The following RNF130 variants were observed in gnomAD, a reference collection of about 807,000 sequenced individuals.
RNF130 encodes E3 ubiquitin-protein ligase RNF130.
A neutral mutation model predicts 44.6 loss-of-function variants in RNF130; 21 were observed. That is an observed-to-expected ratio of 0.47 (90% CI 0.33 to 0.68). RNF130 has a LOEUF of 0.68. RNF130 is among the 30% of genes least tolerant of loss of function. The pLI is 0.02. For missense variants in RNF130, 479 were observed against 560.6 expected, an observed-to-expected ratio of 0.85 and a Z score of 1.47; for synonymous variants, 214 against 210.4, an observed-to-expected ratio of 1.02 and a Z score of -0.15.
intron 7 of RNF130, among the ~76,000 whole-genome samples, chr5:179,946,593 GC>G (rs2113686152): frequency 6.8e-6 from 1 of 146,366 alleles, no homozygotes; most frequent in African/African-American, 2.6e-5. Context: ...TCGCTCTGTC[GC>G]CCAGGCTGGA....
In RNF130 at chr5:179,957,949, C is replaced by T. The variant is rs547917410; in HGVS notation, c.1245-2280G>A. On this transcript the variant is annotated intron_variant, in intron 8 of 8. Transcript: ENST00000521389. ...CTGGAGTGCAGTGGCGGGATCTCGG[C>T]TCACTGCAAGCTCCGCCTCCCGGGT... Among the ~76,000 whole-genome samples the T allele has an allele frequency of 2.0e-5, 3 of 150,996 alleles. No homozygotes were observed. The East Asian group carries it at 5.9e-4, about 29-fold the overall frequency.
intron 2 of RNF130, among the ~76,000 whole-genome samples, chr5:180,034,770 G>A (rs1482761570): frequency 6.6e-6 from 1 of 152,220 alleles, no homozygotes; most frequent in Non-Finnish European, 1.5e-5. Context: ...GTGTGACTAT[G>A]TGGTGAGTCC....
chr5:179,927,372 G>A (rs1043803681), intron 7 of RNF130, among the ~76,000 whole-genome samples: 1 of 152,054 alleles, frequency 6.6e-6, no homozygotes, highest in Non-Finnish European at 1.5e-5. Context: ...TCTTAATTGA[G>A]GCATAACCTA....
At chr5:180,050,428 A>G (rs1312858126) in intron 1 of RNF130, among the ~76,000 whole-genome samples, 2 of 152,208 alleles carry the variant, frequency 1.3e-5, no homozygotes, top group East Asian at 3.8e-4. Context: ...CACCCACATT[A>G]TGGAGAGCAA....
chr5:179,967,583 T>C lies in RNF130; in HGVS notation c.946-573A>G, dbSNP rs142754326. Among the ~76,000 whole-genome samples, 939 of 152,340 alleles carry C rather than the reference T, an allele frequency of 6.2e-3. 10 individuals are homozygous for C. The highest frequency in any genetic ancestry group is 0.019 in the African/African-American group (793 of 41,568). On this transcript the variant is annotated intron_variant, in intron 6 of 8. Transcript: ENST00000521389. ...AGCACCTAATCCTGAGGGAGAGGTA[T>C]AGAGCTGCTTGGGGCCAAAGTCTAC...
intron 2 of RNF130, 135 bp from the exon 3 acceptor site, chr5:180,013,446 G>T: frequency 1.3e-6 from 1 of 752,548 alleles, no homozygotes; most frequent in Non-Finnish European, 2.1e-6. Context: ...CTTCTCAACT[G>T]AAATGTAGAT....
intron 2 of RNF130, among the ~76,000 whole-genome samples, chr5:180,017,449 G>A (rs1763767415): frequency 6.6e-6 from 1 of 152,160 alleles, no homozygotes; most frequent in South Asian, 2.1e-4. Flanking sequence ...TGACTAGCCA[G>A]TTCCCCAAAA....
At chr5:179,963,380 A>G in intron 8 of RNF130, 91 bp downstream of exon 8, 1 of 911,632 alleles carries the variant, frequency 1.1e-6, no homozygotes, top group South Asian at 1.4e-5. Flanking sequence ...AACTGGTAGA[A>G]AGCCAGTTCT....
chr5:179,977,808 C>T lies in RNF130; in HGVS notation c.848+395G>A, dbSNP rs887135879. On this transcript the variant is annotated intron_variant, in intron 5 of 8. Coordinates refer to ENST00000521389, the MANE Select transcript of RNF130 (RefSeq NM_018434.6). The surrounding 1 kb of genome is among the most constrained non-coding windows in gnomAD (Gnocchi z 4.1). ...CGGAGCTTGCAGTGAGCCGAGATTG[C>T]GCCACTGCACACTCCAGCCTGGGGT... 8.5e-5 allele frequency among the ~76,000 whole-genome samples: 13 copies of T among 152,244 alleles called. No individual in the cohort carries two copies. The highest frequency in any genetic ancestry group is 2.9e-4 in the African/African-American group (12 of 41,542).
chr5:179,983,650 A>G (rs1425410183), intron 3 of RNF130, among the ~76,000 whole-genome samples: 1 of 152,124 alleles, frequency 6.6e-6, no homozygotes, highest in Admixed American at 6.6e-5. Flanking sequence ...GAACTTTAGG[A>G]TCAGTTTGTC....
At chr5:179,988,746 G>A (rs1763010189) in intron 3 of RNF130, among the ~76,000 whole-genome samples, 5 of 152,138 alleles carry the variant, frequency 3.3e-5, no homozygotes, top group Admixed American at 3.3e-4. Flanking sequence ...TGTGTTCTAA[G>A]ATGCATGATA....
intron 3 of RNF130, among the ~76,000 whole-genome samples, chr5:179,997,043 T>C (rs1763215777): frequency 6.6e-6 from 1 of 152,228 alleles, no homozygotes; most frequent in Non-Finnish European, 1.5e-5. Context: ...GAATCTATGT[T>C]GGTATATGTG....
intron 3 of RNF130, among the ~76,000 whole-genome samples, chr5:180,005,067 T>G (rs1392589619): frequency 6.6e-6 from 1 of 152,202 alleles, no homozygotes; most frequent in Non-Finnish European, 1.5e-5. Flanking sequence ...TATTTCCTCT[T>G]TTCATAGCTC....
At chr5:179,965,362 G>A (rs1023301133) in intron 7 of RNF130, among the ~76,000 whole-genome samples, 1 of 152,216 alleles carries the variant, frequency 6.6e-6, no homozygotes, top group African/African-American at 2.4e-5. Context: ...AGAGGTAGCT[G>A]TGGTTTAGTT....
At chr5:179,952,845 TGA>T, downstream of RNF130, among the ~76,000 whole-genome samples, 1 of 151,790 alleles carries the variant, frequency 6.6e-6, no homozygotes, top group Non-Finnish European at 1.5e-5. Context: ...TTTCTCAACT[TGA>T]TAAAGGTATC....
intron 7 of RNF130, among the ~76,000 whole-genome samples, chr5:179,966,594 A>G (rs927816032): frequency 1.3e-5 from 2 of 152,254 alleles, no homozygotes; most frequent in Non-Finnish European, 2.9e-5. Flanking sequence ...CATCAAATGC[A>G]GCTATTCCTA....
At chr5:180,052,565 AT>A (rs1764711398) in intron 1 of RNF130, among the ~76,000 whole-genome samples, 1 of 152,238 alleles carries the variant, frequency 6.6e-6, no homozygotes, top group African/African-American at 2.4e-5. Context: ...TAGTATGAGT[AT>A]TTCCAGTACT....
chr5:180,056,961 C>G (rs1252298954), intron 1 of RNF130, among the ~76,000 whole-genome samples: 1 of 152,218 alleles, frequency 6.6e-6, no homozygotes, highest in Non-Finnish European at 1.5e-5. Context: ...ATAAGAAATA[C>G]ATATTTAGTC....
chr5:180,020,676 A>G (rs1763849319), intron 2 of RNF130, among the ~76,000 whole-genome samples: 1 of 152,160 alleles, frequency 6.6e-6, no homozygotes, highest in African/African-American at 2.4e-5. Context: ...ACAGCACTTG[A>G]ATGTCAGCTT....
Sources: gnomAD v4.1 joint callset for allele counts (sites outside exome capture counted in the v4.1 genomes callset) on GRCh38, gnomAD v4.1.1 for gene constraint, Gnocchi (gnomAD v3.1) non-coding constraint, MANE v1.5 for transcripts, NCBI Gene and HGNC (gene_info 2026-07-23, HGNC 2026-07-21) for gene names.